The following SERGEF variants were observed in gnomAD, a reference collection of about 807,000 sequenced individuals.
SERGEF encodes the protein secretion-regulating guanine nucleotide exchange factor.
In SERGEF, 51 loss-of-function variants were observed where a neutral mutation model predicts 50.0. That is an observed-to-expected ratio of 1.02 (90% confidence interval 0.81 to 1.29). The LOEUF (loss-of-function observed/expected upper bound fraction) is 1.29. SERGEF is among the 50% of genes most tolerant of loss of function. SERGEF has a pLI of 0.00. For missense variants in SERGEF, 521 were observed against 557.0 expected (o/e 0.94, Z 0.65); for synonymous variants, 205 against 212.4 (o/e 0.97, Z 0.30).
chr11:17,970,615 CTGT>C (rs1380159466), intron 8 of SERGEF, among the ~76,000 whole-genome samples: 6 of 152,298 alleles, frequency 3.9e-5, no homozygotes, highest in African/African-American at 1.4e-4. Context: ...CCTCTTGCAC[CTGT>C]TAAGCAAGTT....
At chr11:17,896,415 G>A (rs1851621096) in intron 9 of SERGEF, among the ~76,000 whole-genome samples, 1 of 151,940 alleles carries the variant, frequency 6.6e-6, no homozygotes. Context: ...AGGTGGCATA[G>A]CTGCAATTTA....
intron 10 of SERGEF, among the ~76,000 whole-genome samples, chr11:17,838,708 G>A (rs1025681763): frequency 2.6e-5 from 4 of 152,198 alleles, no homozygotes; most frequent in African/African-American, 4.8e-5. Context: ...CACAGGTCTA[G>A]TGTGAGAATG....
In SERGEF at chr11:18,000,553, T is replaced by A. The variant is rs766570994; in HGVS notation, c.452A>T (p.His151Leu). ...RCVVPQAIELHKEKVVCIAAG... is the reference protein window; with the variant it reads ...RCVVPQAIELLKEKVVCIAAG... ...AGCAATACAAACAACCTTCTCTTTATGGAGCTGTCAAAATAAAGAAAAGGA... is the reference window on the plus strand; with the variant it reads ...AGCAATACAAACAACCTTCTCTTTAAGGAGCTGTCAAAATAAAGAAAAGGA... Residue 151 changes from histidine to leucine, a missense_variant, in exon 5 of 11, where the codon CAT becomes CTT. By Grantham distance (99) the His-to-Leu change is moderately conservative. Coordinates refer to ENST00000265965, the MANE Select transcript of SERGEF (RefSeq NM_012139.4). The A allele has an allele frequency of 8.8e-6, 14 of 1,584,086 alleles. No individual in the cohort carries two copies. In the South Asian group the frequency reaches 1.5e-4, roughly 17 times the overall value.
intron 9 of SERGEF, among the ~76,000 whole-genome samples, chr11:17,896,438 G>T (rs1378332436): frequency 6.6e-6 from 1 of 151,632 alleles, no homozygotes; most frequent in Non-Finnish European, 1.5e-5. Context: ...TCAAATTATG[G>T]TATAATTCCA....
At chr11:17,971,925 T>G (rs1853255995) in intron 8 of SERGEF, among the ~76,000 whole-genome samples, 1 of 152,182 alleles carries the variant, frequency 6.6e-6, no homozygotes. Context: ...TGGAAGAAGT[T>G]GATTCCAACC....
intron 10 of SERGEF, among the ~76,000 whole-genome samples, chr11:17,876,231 A>C (rs775720048): frequency 1.2e-4 from 18 of 152,316 alleles, no homozygotes; most frequent in Admixed American, 3.9e-4. Context: ...TTCATTCAGA[A>C]GTCTGTGAGC....
chr11:17,902,480 G>C lies in SERGEF; in HGVS notation c.1012-24236C>G, dbSNP rs531608199. On this transcript the variant is annotated intron_variant, in intron 9 of 10. Coordinates refer to ENST00000265965, the MANE Select transcript of SERGEF (RefSeq NM_012139.4). ...AAAAATGGCAGAGTTGGTGAGTGCA[G>C]ATGAACTAACTGACTGGAGCACTCT... Among the ~76,000 whole-genome samples the C allele has an allele frequency of 5.4e-4, 82 of 152,308 alleles. 1 individual carries two copies. Among genetic ancestry groups the C allele is most frequent in the African/African-American group, 1.8e-3 (73 of 41,568 alleles).
intron 10 of SERGEF, chr11:17,854,108 G>A (rs1207941687): frequency 6.6e-6 from 1 of 151,362 alleles, no homozygotes; most frequent in Non-Finnish European, 1.5e-5. Flanking sequence ...ACAGAATAGT[G>A]ACACTTACAT....
At position 18,012,481 on chromosome 11, in the gene SERGEF, G is replaced by A. The variant is rs1325953393; in HGVS notation, c.60+470C>T. 6 of 1,079,884 alleles carry A rather than the reference G, an allele frequency of 5.6e-6. No individual in the cohort carries two copies. The Admixed American group carries it at 2.7e-4, about 48-fold the overall frequency. The allele number at this position is 1,079,884 out of a possible 1,614,324, so 66.9% of individuals were successfully genotyped here. ...AGGCAGGGTCTGTGCCTTGTGCGCG[G>A]CCAAACACCGCAGGCCTCACATCTA... On this transcript the variant is annotated intron_variant, in intron 1 of 10. Transcript: ENST00000265965.
chr11:17,796,476 A>T (rs1849573719), intron 10 of SERGEF, among the ~76,000 whole-genome samples: 7 of 152,154 alleles, frequency 4.6e-5, no homozygotes, highest in Admixed American at 3.9e-4. Flanking sequence ...TCACTGTGGG[A>T]ATGGGTTAAT....
intron 10 of SERGEF, among the ~76,000 whole-genome samples, chr11:17,817,723 G>A (rs549044937): frequency 1.5e-4 from 23 of 152,200 alleles, no homozygotes; most frequent in Non-Finnish European, 3.1e-4. Context: ...CAAGGTTAGT[G>A]TTATTAATGC....
Position 17,988,631 on chromosome 11 carries a change from G to A in SERGEF, c.810C>T (p.Ile270=). 2.5e-6 allele frequency: 4 copies of A among 1,614,122 alleles called. No individual in the cohort carries two copies. The highest frequency in any genetic ancestry group is 3.4e-6 in the Non-Finnish European group (4 of 1,180,010). ...HCFQNEKVTA[I]WSGWTHLVAQ... is the part of the protein sequence containing the mutation. Reference sequence around the variant, plus strand: ...CAACCAGGTGTGTCCATCCACTCCAGATGGCAGTGACCTTTTCATTCTGGA... The same window carrying A: ...CAACCAGGTGTGTCCATCCACTCCAAATGGCAGTGACCTTTTCATTCTGGA... The change falls in exon 8 of 11, where the codon ATC becomes ATT. Residue 270 remains isoleucine, a synonymous_variant. Transcript: ENST00000265965.
At chr11:17,948,263 A>T (rs1160582323) in intron 9 of SERGEF, among the ~76,000 whole-genome samples, 1 of 152,238 alleles carries the variant, frequency 6.6e-6, no homozygotes, top group East Asian at 1.9e-4. Flanking sequence ...CATAGTTGAT[A>T]AAATGCTTTC....
At chr11:17,802,850 T>C (rs1056066004) in intron 10 of SERGEF, among the ~76,000 whole-genome samples, 2 of 152,362 alleles carry the variant, frequency 1.3e-5, no homozygotes, top group Middle Eastern at 3.4e-3. Flanking sequence ...ACTGCTTAAT[T>C]TTCCTTCCCA....
intron 9 of SERGEF, among the ~76,000 whole-genome samples, chr11:17,916,795 G>C (rs1377928850): frequency 6.6e-6 from 1 of 152,198 alleles, no homozygotes; most frequent in African/African-American, 2.4e-5. Flanking sequence ...AAATATCCTG[G>C]AGTGGAACAA....
At chr11:17,920,177 G>A (rs1852127351) in intron 9 of SERGEF, among the ~76,000 whole-genome samples, 1 of 152,048 alleles carries the variant, frequency 6.6e-6, no homozygotes, top group South Asian at 2.1e-4. Flanking sequence ...AACCCATGAA[G>A]CAGAGATTGC....
intron 9 of SERGEF, among the ~76,000 whole-genome samples, chr11:17,942,605 TC>T (rs1181618571): frequency 6.6e-6 from 1 of 152,178 alleles, no homozygotes; most frequent in Non-Finnish European, 1.5e-5. Flanking sequence ...TATTGCTTTT[TC>T]TTGCTTTATG....
At chr11:17,903,117 C>A (rs1048775907) in intron 9 of SERGEF, among the ~76,000 whole-genome samples, 1 of 152,192 alleles carries the variant, frequency 6.6e-6, no homozygotes, top group East Asian at 1.9e-4. Flanking sequence ...TTGTTAAGTA[C>A]AATAACAGTA....
At chr11:17,919,428 A>G (rs1409659560) in intron 9 of SERGEF, among the ~76,000 whole-genome samples, 1 of 152,280 alleles carries the variant, frequency 6.6e-6, no homozygotes, top group East Asian at 1.9e-4. Context: ...GGGAATGAGG[A>G]AAAAGGGACA....
Sources: allele counts gnomAD v4.1 joint callset (sites outside exome capture counted in the v4.1 genomes callset), GRCh38; gene constraint gnomAD v4.1.1; transcripts MANE v1.5; gene names NCBI Gene and HGNC (gene_info 2026-07-23, HGNC 2026-07-21).